The following PDPR variants were observed in gnomAD, a reference collection of about 807,000 sequenced individuals.
PDPR encodes pyruvate dehydrogenase phosphatase regulatory subunit.
A neutral mutation model predicts 102.2 loss-of-function variants in PDPR; 50 were observed. The ratio of observed to expected loss-of-function variants is 0.49; its 90% CI spans 0.39 to 0.62. The LOEUF is 0.62. Among genes scored for constraint, PDPR ranks in the 20% least tolerant of loss-of-function variants. The probability of loss-of-function intolerance (pLI) is 0.00; values close to 1 mark genes in which losing one functional copy is unlikely to be tolerated. For synonymous variants in PDPR, 259 were observed against 406.0 expected, an observed-to-expected ratio of 0.64 and a Z score of 4.35; for missense variants, 625 against 1,098.2, an observed-to-expected ratio of 0.57 and a Z score of 6.09.
intron 9 of PDPR, among the ~76,000 whole-genome samples, chr16:70,134,564 G>A (rs1477717315): frequency 1.3e-4 from 19 of 150,528 alleles, no homozygotes; most frequent in African/African-American, 1.7e-4. Context: ...AGGCCAAGGC[G>A]GGCAGATCGC....
rs773815652 is a variant in PDPR, at chr16:70,153,466, C to T, written c.2128C>T (p.Leu710Phe). Reference sequence around the variant, plus strand: ...AATCCGGAATGCTGGGTATTACGCTCTTCGCAGTCTCCGAATTGAGAAGTT... The same window carrying T: ...AATCCGGAATGCTGGGTATTACGCTTTTCGCAGTCTCCGAATTGAGAAGTT... ...YGIRNAGYYALRSLRIEKFFA... is the reference protein window; with the variant it reads ...YGIRNAGYYAFRSLRIEKFFA... The change falls in exon 18 of 19, where the codon CTT becomes TTT. Residue 710 changes from leucine (L) to phenylalanine (F), a missense_variant. Leu to Phe is a conservative substitution (Grantham distance 22). Transcript: ENST00000288050. 5 of 1,613,672 alleles carry T rather than the reference C, an allele frequency of 3.1e-6. No individual in the cohort carries two copies. Among genetic ancestry groups the T allele is most frequent in the East Asian group, 4.5e-5 (2 of 44,888 alleles).
intron 11 of PDPR, among the ~76,000 whole-genome samples, 193 bp downstream of exon 11, chr16:70,139,216 T>C (rs1448465416): frequency 1.3e-5 from 2 of 152,278 alleles, no homozygotes; most frequent in East Asian, 1.9e-4. Context: ...TTTTCTTTAG[T>C]GCATCGGACC....
At chr16:70,149,913 C>A (rs1252489278) in intron 17 of PDPR, among the ~76,000 whole-genome samples, 1 of 152,166 alleles carries the variant, frequency 6.6e-6, no homozygotes, top group African/African-American at 2.4e-5. Context: ...GCCTCAGCCT[C>A]CTGAGTAGCT....
intron 17 of PDPR, among the ~76,000 whole-genome samples, chr16:70,152,799 C>G (rs1966837507): frequency 6.6e-6 from 1 of 152,286 alleles, no homozygotes; most frequent in Non-Finnish European, 1.5e-5. Context: ...GTTCACTGAT[C>G]TGATAACGTA....
intron 4 of PDPR, among the ~76,000 whole-genome samples, chr16:70,128,093 C>T (rs1434605813): frequency 1.1e-4 from 17 of 152,252 alleles, no homozygotes; most frequent in Admixed American, 1.1e-3. Context: ...AGAATCCGAC[C>T]CTTGGTAGCT....
intron 18 of PDPR, among the ~76,000 whole-genome samples, chr16:70,154,143 G>A (rs1033301770): frequency 2.0e-5 from 3 of 152,086 alleles, no homozygotes; most frequent in Admixed American, 6.6e-5. Flanking sequence ...GCGACAGAGC[G>A]AGACTCCGTC....
chr16:70,142,728 T>C, intron 13 of PDPR, 42 bp downstream of exon 13: 2 of 1,613,040 alleles, frequency 1.2e-6, no homozygotes, highest in Admixed American at 1.7e-5. Flanking sequence ...TAGGAAACTT[T>C]ACATATTTAT....
At chr16:70,113,633 G>A (rs1291780065), upstream of PDPR, 1 of 136,784 alleles carries the variant, frequency 7.3e-6, no homozygotes, top group Non-Finnish European at 1.7e-5. Flanking sequence ...AGTCAGTGAT[G>A]AGTTCTAGAA....
At chr16:70,138,232 T>TTTTTTTTTTTTTTTTTG (rs1965361348) in intron 10 of PDPR, among the ~76,000 whole-genome samples, 1 of 101,014 alleles carries the variant, frequency 9.9e-6, no homozygotes, top group Admixed American at 1.1e-4. Context: ...TTTTTTTTTT[T>TTTTTTTTTTTTTTTTTG]TTTGAGTTGG....
At chr16:70,129,771 G>A (rs1242427753) in intron 6 of PDPR, among the ~76,000 whole-genome samples, 1 of 152,270 alleles carries the variant, frequency 6.6e-6, no homozygotes, top group Admixed American at 6.5e-5. Context: ...CATTGAATGA[G>A]GGGAAGACTT....
chr16:70,139,763 G>T (rs1397907894), intron 11 of PDPR, among the ~76,000 whole-genome samples: 1 of 152,222 alleles, frequency 6.6e-6, no homozygotes, highest in African/African-American at 2.4e-5. Flanking sequence ...CTGTACTGAG[G>T]AGCTGTTCTC....
Position 70,120,514 on chromosome 16 carries a change from T to C in PDPR, c.22T>C (p.Ser8Pro). The C allele has an allele frequency of 1.9e-6, 3 of 1,614,002 alleles. No individual in the cohort carries two copies. The South Asian group carries it at 3.3e-5, about 18-fold the overall frequency. The change falls in exon 3 of 19, where the codon TCG (serine) becomes CCG (proline). Residue 8 changes from serine to proline, a missense_variant. Physicochemically the swap from Ser to Pro is moderately conservative, Grantham distance 74. This residue lies in a region of PDPR where 84 missense variants were observed against 87.7 expected (regional missense o/e 0.96). Coordinates refer to ENST00000288050, the MANE Select transcript of PDPR (RefSeq NM_017990.5). MMFYRLL[S>P]IVGRQRASPG... is the part of the protein sequence containing the mutation. ...AGACATGATGTTCTACCGGTTGCTG[T>C]CGATTGTTGGAAGACAAAGAGCCAG...
intron 13 of PDPR, among the ~76,000 whole-genome samples, 161 bp downstream of exon 13, chr16:70,142,847 G>C (rs1965871020): frequency 6.6e-6 from 1 of 152,254 alleles, no homozygotes; most frequent in Admixed American, 6.5e-5. Flanking sequence ...ATCACCTGAG[G>C]TCAGAGTTCC....
chr16:70,120,451 C>T lies in PDPR; in HGVS notation c.-32-10C>T, dbSNP rs747873135. ...GAATGGCATGAAATATGTTTGGTTT[C>T]TCTGTCTAGTTTGAGTTCCTGAGAT... is the stretch of plus-strand genomic sequence containing the variant. On this transcript the variant is annotated splice_polypyrimidine_tract_variant and intron_variant, in intron 2 of 18. Transcript: ENST00000288050. 6.8e-6 allele frequency: 10 copies of T among 1,480,118 alleles called. No homozygotes were observed. In the Admixed American group the frequency reaches 1.2e-4, roughly 18 times the overall value. 91.7% of individuals were successfully genotyped at this position (1,480,118 alleles called of 1,614,324 possible).
At chr16:70,128,189 G>A (rs1248478291) in intron 4 of PDPR, among the ~76,000 whole-genome samples, 1 of 152,088 alleles carries the variant, frequency 6.6e-6, no homozygotes, top group Non-Finnish European at 1.5e-5. Flanking sequence ...AAGGTGGGAA[G>A]AATAGGGATG....
chr16:70,157,402 C>T lies in PDPR; in HGVS notation c.*523C>T. The T allele has an allele frequency of 2.8e-6, 1 of 359,482 alleles. No homozygotes were observed. The highest frequency in any genetic ancestry group is 2.1e-5 in the South Asian group (1 of 47,310). 22.3% of individuals were successfully genotyped at this position (359,482 alleles called of 1,614,324 possible). On this transcript the variant is annotated 3_prime_UTR_variant, in exon 19 of 19. Coordinates refer to ENST00000288050, the MANE Select transcript of PDPR (RefSeq NM_017990.5). ...CCTGTTCTGCTGTGCTGTGGGCTGGCACTCGATACCTCTGGCAAGAGGATG... is the reference window on the plus strand; with the variant it reads ...CCTGTTCTGCTGTGCTGTGGGCTGGTACTCGATACCTCTGGCAAGAGGATG...
chr16:70,146,043 G>A, intron 15 of PDPR, 91 bp from the exon 16 acceptor site: 1 of 1,516,598 alleles, frequency 6.6e-7, no homozygotes, highest in Non-Finnish European at 9.1e-7. Flanking sequence ...ACCCAGGCCT[G>A]GCTATAGCTG....
intron 10 of PDPR, among the ~76,000 whole-genome samples, chr16:70,137,001 C>A (rs1202365036): frequency 6.6e-6 from 1 of 152,198 alleles, no homozygotes; most frequent in Non-Finnish European, 1.5e-5. Flanking sequence ...CCTTGGCCTC[C>A]CAAAGTGCTA....
At chr16:70,122,419 A>C (rs961085966) in intron 3 of PDPR, among the ~76,000 whole-genome samples, 1 of 152,282 alleles carries the variant, frequency 6.6e-6, no homozygotes, top group Non-Finnish European at 1.5e-5. Context: ...TGCATCCATC[A>C]TCATAACCAG....
Sources: gnomAD v4.1 joint callset for allele counts (sites outside exome capture counted in the v4.1 genomes callset) on GRCh38, gnomAD v4.1.1 for gene constraint, gnomAD v4.1.1 regional missense constraint, MANE v1.5 for transcripts, NCBI Gene and HGNC (gene_info 2026-07-23, HGNC 2026-07-21) for gene names.